NCAPG2: variants seen among roughly 807,000 people sequenced by gnomAD.
The protein encoded by NCAPG2 is non-SMC condensin II complex subunit G2, also known as condensin-2 complex subunit G2.
NCAPG2 carries 53 observed loss-of-function variants against 141.1 expected under a neutral mutation model. That is an observed-to-expected ratio of 0.38 (90% confidence interval 0.30 to 0.47). NCAPG2 has a LOEUF of 0.47. Among genes scored for constraint, NCAPG2 ranks in the 20% least tolerant of loss-of-function variants. The probability of loss-of-function intolerance (pLI) is 0.99; values close to 1 mark genes in which losing one functional copy is unlikely to be tolerated. For synonymous variants in NCAPG2, 499 were observed against 490.7 expected, an observed-to-expected ratio of 1.02 and a Z score of -0.22; for missense variants, 1,087 against 1,389.0, an observed-to-expected ratio of 0.78 and a Z score of 3.46.
intron 27 of NCAPG2, among the ~76,000 whole-genome samples, chr7:158,637,595 C>G: frequency 6.5e-4 from 1 of 1,536 alleles, no homozygotes; most frequent in Non-Finnish European, 1.5e-3. Context: ...CTCCCCAGCA[C>G]CTCCCCTGCG....
At chr7:158,689,736 G>A in intron 6 of NCAPG2, 83 bp downstream of exon 6, 1 of 1,286,050 alleles carries the variant, frequency 7.8e-7, no homozygotes, top group Non-Finnish European at 1.0e-6. Context: ...CGAGCATGGT[G>A]CAGACAGGAA....
intron 16 of NCAPG2, 112 bp downstream of exon 16, chr7:158,662,082 T>A: frequency 9.5e-7 from 1 of 1,052,964 alleles, no homozygotes; most frequent in Non-Finnish European, 1.3e-6. Flanking sequence ...CCCTCTCATT[T>A]TACAGATGAG....
intron 13 of NCAPG2, chr7:158,668,597 A>G (rs920210439): frequency 1.8e-4 from 42 of 232,636 alleles, no homozygotes; most frequent in Non-Finnish European, 2.6e-4. Context: ...CATAGCAATA[A>G]TTGTTGAAGC....
chr7:158,660,999 C>G (rs1485016669), intron 16 of NCAPG2, among the ~76,000 whole-genome samples: 1 of 152,156 alleles, frequency 6.6e-6, no homozygotes, highest in African/African-American at 2.4e-5. Context: ...TGAGGCTTCC[C>G]CAGCCATATG....
intron 24 of NCAPG2, among the ~76,000 whole-genome samples, chr7:158,648,565 C>CGGCAAATGGACGACAACCAT (rs1563504199): frequency 3.3e-4 from 44 of 132,010 alleles, no homozygotes; most frequent in African/African-American, 1.2e-3. Context: ...ACGACAACCA[C>CGGCAAATGGACGACAACCAT]GCCAAATGGA....
At chr7:158,659,084 C>T (rs1432219635) in intron 16 of NCAPG2, among the ~76,000 whole-genome samples, 1 of 146,598 alleles carries the variant, frequency 6.8e-6, no homozygotes, top group Non-Finnish European at 1.5e-5. Flanking sequence ...AATCCCAGCA[C>T]TTTGGGAGGC....
At chr7:158,696,761 A>T (rs1280097175) in intron 2 of NCAPG2, 2 of 152,228 alleles carry the variant, frequency 1.3e-5, no homozygotes, top group Non-Finnish European at 2.9e-5. Context: ...TTAGCTTCCC[A>T]AATGTGCCCT....
chr7:158,704,098 G>C (rs558557334), intron 1 of NCAPG2, among the ~76,000 whole-genome samples: 78 of 146,782 alleles, frequency 5.3e-4, no homozygotes, highest in African/African-American at 1.7e-3. Context: ...TCTGAGGGTA[G>C]TGCCCATGCC....
chr7:158,652,328 G>C lies in NCAPG2; in HGVS notation c.2899C>G (p.Arg967Gly). 1 of 1,613,912 alleles carries C rather than the reference G, an allele frequency of 6.2e-7. No individual in the cohort carries two copies. Among genetic ancestry groups the C allele is most frequent in the African/African-American group, 1.3e-5 (1 of 75,016 alleles). The change falls in exon 23 of 28, where the codon CGG becomes GGG. Residue 967 changes from arginine (R) to glycine (G), a missense_variant. Transcript: ENST00000356309. ...VFQKMLECIA[R>G]SFRKQPEEGL... is the part of the protein sequence containing the mutation. ...TCTTCCGGCTGCTTCCTGAAGCTCC[G>C]TGCAATACATTCCAACATTTTCTGA...
At chr7:158,645,671 A>G (rs759068245) in intron 25 of NCAPG2, 52 bp from the exon 26 acceptor site, 2 of 1,506,330 alleles carry the variant, frequency 1.3e-6, no homozygotes, top group Non-Finnish European at 1.8e-6. Context: ...AGACCCTAAT[A>G]CATTATAGCA....
chr7:158,677,989 A>G (rs1311647159), intron 11 of NCAPG2, among the ~76,000 whole-genome samples: 1 of 151,546 alleles, frequency 6.6e-6, no homozygotes, highest in Non-Finnish European at 1.5e-5. Context: ...TTTTTTTTTA[A>G]TTGGTATAGA....
At chr7:158,652,522 A>C in intron 22 of NCAPG2, 42 bp from the exon 23 acceptor site, 1 of 1,427,528 alleles carries the variant, frequency 7.0e-7, no homozygotes, top group Non-Finnish European at 9.6e-7. Context: ...TAATCACACA[A>C]GTTTGTTGAA....
chr7:158,703,855 A>G (rs561006596), intron 1 of NCAPG2, among the ~76,000 whole-genome samples: 1 of 152,362 alleles, frequency 6.6e-6, no homozygotes, highest in Admixed American at 6.5e-5. Context: ...TCTGAGGACA[A>G]TGCCCACGTC....
At chr7:158,685,277 C>A (rs1834687674) in intron 8 of NCAPG2, among the ~76,000 whole-genome samples, 1 of 152,084 alleles carries the variant, frequency 6.6e-6, no homozygotes, top group African/African-American at 2.4e-5. Flanking sequence ...TCTTCAAATT[C>A]TCAAAAATAA....
At chr7:158,689,391 G>A (rs1028003645) in intron 6 of NCAPG2, among the ~76,000 whole-genome samples, 6 of 152,116 alleles carry the variant, frequency 3.9e-5, no homozygotes, top group Admixed American at 6.5e-5. Context: ...CCCAGGACGG[G>A]CAGTGCAGCA....
intron 27 of NCAPG2, among the ~76,000 whole-genome samples, chr7:158,639,328 G>A (rs571666807): frequency 2.0e-5 from 3 of 152,208 alleles, no homozygotes; most frequent in South Asian, 2.1e-4. Context: ...GGCTGGTTGC[G>A]AACTCCTAGA....
chr7:158,660,429 T>TTTTTTTTA (rs869116610), intron 16 of NCAPG2, among the ~76,000 whole-genome samples: 1 of 91,362 alleles, frequency 1.1e-5, no homozygotes, highest in African/African-American at 4.3e-5. Context: ...TTTTTTTTTT[T>TTTTTTTTA]AAAAGAGGCA....
intron 16 of NCAPG2, among the ~76,000 whole-genome samples, chr7:158,661,178 A>C (rs1832474805): frequency 6.6e-6 from 1 of 152,214 alleles, no homozygotes; most frequent in Non-Finnish European, 1.5e-5. Context: ...AATGAAGCTC[A>C]GGGCCTTGAA....
intron 12 of NCAPG2, among the ~76,000 whole-genome samples, chr7:158,672,946 C>T (rs1833838810): frequency 6.6e-6 from 1 of 152,238 alleles, no homozygotes; most frequent in African/African-American, 2.4e-5. Context: ...CCACTCATCC[C>T]TCCTCACAGA....
Sources: allele counts gnomAD v4.1 joint callset (sites outside exome capture counted in the v4.1 genomes callset), GRCh38; gene constraint gnomAD v4.1.1; transcripts MANE v1.5; gene names NCBI Gene and HGNC (gene_info 2026-07-23, HGNC 2026-07-21).